The following TUSC3 variants were observed in gnomAD, a reference collection of about 807,000 sequenced individuals.
The protein encoded by TUSC3 is tumor suppressor candidate 3.
In TUSC3, 45 loss-of-function variants were observed where a neutral mutation model predicts 44.8. The observed-to-expected ratio is 1.00, with a 90% CI of 0.79 to 1.29. TUSC3 has a LOEUF of 1.29. Among genes scored for constraint, TUSC3 ranks in the 50% most tolerant of loss-of-function variants. The pLI, the probability that TUSC3 is intolerant of heterozygous loss-of-function variation, is 0.00. For synonymous variants in TUSC3, 212 were observed against 152.9 expected (o/e 1.39, Z -2.85); for missense variants, 519 against 437.9 (o/e 1.19, Z -1.65).
chr8:15,802,868 C>T, the TUSC3 span, among the ~76,000 whole-genome samples: 4 of 151,782 alleles, frequency 2.6e-5, no homozygotes, highest in East Asian at 1.9e-4. Context: ...CGTTCATACT[C>T]GGTGGTCATT....
Position 15,759,063 on chromosome 8 carries a change from C to G in TUSC3, c.*46+1208C>G, listed in dbSNP as rs28697989. 2.4e-3 allele frequency among the ~76,000 whole-genome samples: 365 copies of G among 152,198 alleles called. 4 individuals are homozygous for G. The highest frequency in any genetic ancestry group is 8.5e-3 in the African/African-American group (352 of 41,536). On this transcript the variant is annotated intron_variant, in intron 10 of 10. Transcript: ENST00000503731. ...CCACAATGTACTTCTCGCTAGCATT[C>G]TCATAGAACACATGTGAATGTAGAG... is the stretch of plus-strand genomic sequence containing the variant.
At chr8:15,508,693 C>A (rs1431427757) in intron 2 of TUSC3, among the ~76,000 whole-genome samples, 1 of 152,086 alleles carries the variant, frequency 6.6e-6, no homozygotes, top group Non-Finnish European at 1.5e-5. Flanking sequence ...AGTCTCCTGA[C>A]CTTGTGATTC....
the TUSC3 span, among the ~76,000 whole-genome samples, chr8:15,821,993 A>G: frequency 1.3e-5 from 2 of 152,180 alleles, no homozygotes; most frequent in African/African-American, 4.8e-5. Context: ...TGATGATTTG[A>G]TAAGGCTGGT....
chr8:15,467,440 A>C (rs1044252648), intron 1 of TUSC3, among the ~76,000 whole-genome samples: 2 of 152,198 alleles, frequency 1.3e-5, no homozygotes, highest in South Asian at 4.1e-4. Context: ...TAAATTATAC[A>C]TACTGCCTTA....
At chr8:15,456,806 C>T (rs796403089) in intron 1 of TUSC3, among the ~76,000 whole-genome samples, 12 of 152,084 alleles carry the variant, frequency 7.9e-5, no homozygotes, top group East Asian at 1.9e-4. Context: ...AAAAACTCAA[C>T]GACAACTTGA....
chr8:15,603,179 A>G (rs1804364388), intron 1 of TUSC3, among the ~76,000 whole-genome samples: 1 of 151,770 alleles, frequency 6.6e-6, no homozygotes, highest in South Asian at 2.1e-4. Context: ...CTACAAATTA[A>G]TAAGAAAAGA....
At chr8:15,502,474 T>A (rs961433165) in intron 2 of TUSC3, among the ~76,000 whole-genome samples, 2 of 152,022 alleles carry the variant, frequency 1.3e-5, no homozygotes, top group African/African-American at 4.8e-5. Context: ...CCGGATCCAA[T>A]ATATATATTT....
intron 2 of TUSC3, among the ~76,000 whole-genome samples, chr8:15,506,766 A>G (rs1218250316): frequency 2.0e-5 from 3 of 152,130 alleles, no homozygotes; most frequent in Non-Finnish European, 4.4e-5. Flanking sequence ...ACACGTGAGG[A>G]TTATAGGAGC....
At position 15,577,099 on chromosome 8, in the gene TUSC3, A is replaced by G. The variant is rs534535330; in HGVS notation, c.138+36531A>G. 1.4e-3 allele frequency among the ~76,000 whole-genome samples: 209 copies of G among 146,630 alleles called. 5 individuals carry two copies. Among genetic ancestry groups the G allele is most frequent in the Non-Finnish European group, 2.0e-4 (13 of 65,874 alleles). On this transcript the variant is annotated intron_variant, in intron 1 of 10. Coordinates refer to ENST00000503731, the MANE Select transcript of TUSC3 (RefSeq NM_006765.4). ...ATTTTTTCATGTGTTTCTTGGCTGC[A>G]TAAATGTCTTCTTTTGAGAAGTGTC... is the stretch of plus-strand genomic sequence containing the variant.
At chr8:15,444,372 A>C (rs1288906010) in intron 1 of TUSC3, among the ~76,000 whole-genome samples, 4 of 152,194 alleles carry the variant, frequency 2.6e-5, no homozygotes, top group Non-Finnish European at 5.9e-5. Context: ...CTTCAATACA[A>C]GGAAAAGTGG....
At chr8:15,729,869 GAAA>G (rs968953795) in intron 6 of TUSC3, among the ~76,000 whole-genome samples, 2 of 145,310 alleles carry the variant, frequency 1.4e-5, no homozygotes, top group African/African-American at 5.1e-5. Context: ...TTGAAGACGA[GAAA>G]AAAAAAAGAT....
chr8:15,519,163 G>A (rs570887981), intron 2 of TUSC3, among the ~76,000 whole-genome samples: 8 of 152,198 alleles, frequency 5.3e-5, no homozygotes, highest in African/African-American at 9.6e-5. Context: ...GAAGGATGAT[G>A]GAGAAGTCAT....
At chr8:15,423,187 C>T (rs1328499637) in intron 1 of TUSC3, among the ~76,000 whole-genome samples, 2 of 152,092 alleles carry the variant, frequency 1.3e-5, no homozygotes, top group Admixed American at 6.6e-5. Context: ...CATGTACAAG[C>T]ACAGGTTCAG....
At chr8:15,493,789 G>A (rs191527442) in intron 2 of TUSC3, among the ~76,000 whole-genome samples, 154 of 152,262 alleles carry the variant, frequency 1.0e-3, no homozygotes, top group Non-Finnish European at 1.5e-3. Context: ...TTAAGTGTAC[G>A]TCTGGAATGA....
At chr8:15,816,931 C>G in the TUSC3 span, among the ~76,000 whole-genome samples, 1 of 152,174 alleles carries the variant, frequency 6.6e-6, no homozygotes, top group African/African-American at 2.4e-5. Context: ...TTCATTATTT[C>G]TATTTTTGCC....
At chr8:15,542,047 C>G (rs1226817396) in intron 1 of TUSC3, among the ~76,000 whole-genome samples, 2 of 151,072 alleles carry the variant, frequency 1.3e-5, no homozygotes, top group Non-Finnish European at 2.9e-5. Flanking sequence ...GACACAGCCT[C>G]TGGAGGTCCT....
At chr8:15,695,779 G>T (rs966429592) in intron 6 of TUSC3, among the ~76,000 whole-genome samples, 1 of 152,176 alleles carries the variant, frequency 6.6e-6, no homozygotes, top group Non-Finnish European at 1.5e-5. Context: ...GAGCAAAGGC[G>T]ACTCTTGTTA....
intron 1 of TUSC3, among the ~76,000 whole-genome samples, chr8:15,434,661 C>G (rs1321538263): frequency 6.6e-6 from 1 of 151,600 alleles, no homozygotes; most frequent in Non-Finnish European, 1.5e-5. Flanking sequence ...AGGTATATCT[C>G]CTAATGCTAT....
At chr8:15,718,653 T>C (rs74355060) in intron 6 of TUSC3, among the ~76,000 whole-genome samples, 2,953 of 152,244 alleles carry the variant, frequency 0.019, 101 homozygotes, top group African/African-American at 0.066. Context: ...ATTTTTCTTA[T>C]AATTAACATA....
Sources: allele counts gnomAD v4.1 joint callset (sites outside exome capture counted in the v4.1 genomes callset), GRCh38; gene constraint gnomAD v4.1.1; transcripts MANE v1.5; gene names NCBI Gene and HGNC (gene_info 2026-07-23, HGNC 2026-07-21).